SLC9B2: variants seen among roughly 807,000 people sequenced by gnomAD.
SLC9B2 encodes the protein solute carrier family 9 member B2.
SLC9B2 carries 39 observed loss-of-function variants against 52.2 expected under a neutral mutation model. The observed-to-expected ratio is 0.75, with a 90% confidence interval of 0.58 to 0.98. The LOEUF is 0.98. Among genes scored for constraint, SLC9B2 ranks in the 50% least tolerant of loss-of-function variants. The pLI is 0.00. For missense variants in SLC9B2, 626 were observed against 637.5 expected (o/e 0.98, Z 0.19); for synonymous variants, 214 against 227.0 (o/e 0.94, Z 0.51).
intron 4 of SLC9B2, among the ~76,000 whole-genome samples, chr4:103,052,819 T>A (rs1456485930): frequency 1.3e-5 from 2 of 151,800 alleles, no homozygotes; most frequent in Admixed American, 6.6e-5. Flanking sequence ...GGTGGTGGGA[T>A]TACAGGTATG....
chr4:103,031,811 A>G lies in SLC9B2; in HGVS notation c.1147-3T>C, dbSNP rs1235247719. 6.2e-7 allele frequency: 1 copy of G among 1,610,894 alleles called. No individual in the cohort carries two copies. The highest frequency in any genetic ancestry group is 8.5e-7 in the Non-Finnish European group (1 of 1,177,926). ...GCAATTATCTTTTCAACCTCTGCCT[A>G]AAATAACAATAAAACACACACAGAT... On this transcript the variant is annotated splice_region_variant and splice_polypyrimidine_tract_variant and intron_variant, in intron 9 of 11. Coordinates refer to ENST00000394785, the MANE Select transcript of SLC9B2 (RefSeq NM_178833.7).
chr4:103,070,812 A>G (rs1746549615), intron 1 of SLC9B2, among the ~76,000 whole-genome samples: 1 of 152,186 alleles, frequency 6.6e-6, no homozygotes. Flanking sequence ...GGTGTTAAAT[A>G]TTAAAATTCA....
chr4:103,061,548 T>C (rs568045354), intron 3 of SLC9B2, among the ~76,000 whole-genome samples: 173 of 152,178 alleles, frequency 1.1e-3, no homozygotes, highest in Non-Finnish European at 1.6e-3. Flanking sequence ...ATAGGAGATA[T>C]ACCTAATGTT....
chr4:103,054,739 C>T (rs1454870457), intron 4 of SLC9B2, among the ~76,000 whole-genome samples: 2 of 152,144 alleles, frequency 1.3e-5, no homozygotes, highest in Non-Finnish European at 2.9e-5. Flanking sequence ...CAGGAAACAA[C>T]AAGTGCTGGA....
chr4:103,047,093 T>A lies in SLC9B2; in HGVS notation c.847A>T (p.Ile283Phe). ...CCCAAGCATGTGTTGAAGCCAGTGA[T>A]GGCCAGAATGTCATCGAAGCTGCCA... is the stretch of plus-strand genomic sequence containing the variant. ...AAGSFDDILA[I>F]TGFNTCLGIA... The change falls in exon 7 of 12, where the codon ATC becomes TTC. Residue 283 changes from isoleucine (I) to phenylalanine (F), a missense_variant. Physicochemically the swap from Ile to Phe is conservative, Grantham distance 21 (BLOSUM62 0). Coordinates refer to ENST00000394785, the MANE Select transcript of SLC9B2 (RefSeq NM_178833.7). 1 of 1,614,094 alleles carries A rather than the reference T, an allele frequency of 6.2e-7. No homozygotes were observed. The highest frequency in any genetic ancestry group is 8.5e-7 in the Non-Finnish European group (1 of 1,179,964).
At chr4:103,050,204 A>T (rs1446655840) in intron 5 of SLC9B2, 36 bp downstream of exon 5, 1 of 1,517,954 alleles carries the variant, frequency 6.6e-7, no homozygotes, top group East Asian at 2.4e-5. Flanking sequence ...AAGAAACAAG[A>T]TTCCTATTTA....
Position 103,031,608 on chromosome 4 carries a change from A to G in SLC9B2, c.1255+92T>C, listed in dbSNP as rs547830076. ...ACCACTGTACACATACCTGCTGGAG[A>G]TATTTCAATGAATATAAAAAGTAGA... On this transcript the variant is annotated intron_variant, in intron 10 of 11. Coordinates refer to ENST00000394785, the MANE Select transcript of SLC9B2 (RefSeq NM_178833.7). The G allele has an allele frequency of 2.1e-4, 181 of 859,318 alleles. 2 individuals carry two copies. The highest frequency in any genetic ancestry group is 4.5e-5 in the Non-Finnish European group (24 of 534,362). The allele number at this position is 859,318 out of a possible 1,614,324, so 53.2% of individuals were successfully genotyped here.
In SLC9B2 at chr4:103,050,208, C is replaced by T. The variant is rs1182144701; in HGVS notation, c.585+32G>A. On this transcript the variant is annotated intron_variant, in intron 5 of 11. Transcript: ENST00000394785. ...CTGAAGCATTGAAGAAACAAGATTC[C>T]TATTTAATAATGAGAAATTTACATT... 12 of 1,523,804 alleles carry T rather than the reference C, an allele frequency of 7.9e-6. No individual in the cohort carries two copies. In the South Asian group the frequency reaches 1.6e-4, roughly 20 times the overall value. 94.4% of individuals were successfully genotyped at this position (1,523,804 alleles called of 1,614,324 possible). A position where few individuals can be genotyped will look rare whatever the true frequency, so the allele number is the denominator to read the frequency against.
At chr4:103,071,844 A>C (rs1325458441) in intron 1 of SLC9B2, among the ~76,000 whole-genome samples, 1 of 152,052 alleles carries the variant, frequency 6.6e-6, no homozygotes, top group African/African-American at 2.4e-5. Context: ...TAATCTACTC[A>C]ATTCCTAAAG....
chr4:103,041,745 A>G (rs1743663274), intron 9 of SLC9B2, among the ~76,000 whole-genome samples: 1 of 152,150 alleles, frequency 6.6e-6, no homozygotes, highest in African/African-American at 2.4e-5. Flanking sequence ...AAATTGTGTC[A>G]TGCACAATAA....
chr4:103,031,391 T>A lies in SLC9B2; in HGVS notation c.1255+309A>T, dbSNP rs183887769. ...GTTCAGGACAAGGCTAGATGAATAT[T>A]CTTACCCTTGGAAAAAGAATTGTTA... On this transcript the variant is annotated intron_variant, in intron 10 of 11. Transcript: ENST00000394785. Among the ~76,000 whole-genome samples the A allele has an allele frequency of 2.6e-5, 4 of 152,282 alleles. No homozygotes were observed. In the East Asian group the frequency reaches 7.7e-4, roughly 29 times the overall value.
downstream of SLC9B2, chr4:103,019,720 G>A (rs1741655041): frequency 2.0e-6 from 2 of 985,464 alleles, no homozygotes; most frequent in African/African-American, 1.7e-5. Flanking sequence ...ATAGACTTCC[G>A]CGCAGGGGCG....
At chr4:103,027,328 A>C (rs1237860090) in intron 11 of SLC9B2, among the ~76,000 whole-genome samples, 1 of 152,208 alleles carries the variant, frequency 6.6e-6, no homozygotes, top group Non-Finnish European at 1.5e-5. Context: ...AAAACTGTTA[A>C]ATTTTAAATA....
intron 3 of SLC9B2, among the ~76,000 whole-genome samples, chr4:103,058,490 C>G (rs907313369): frequency 2.6e-5 from 4 of 152,174 alleles, no homozygotes; most frequent in Admixed American, 6.5e-5. Context: ...CTCAACCTCC[C>G]AGGCTCAAGT....
At chr4:103,032,054 C>A (rs1742753946) in intron 9 of SLC9B2, among the ~76,000 whole-genome samples, 1 of 152,042 alleles carries the variant, frequency 6.6e-6, no homozygotes, top group African/African-American at 2.4e-5. Flanking sequence ...TAAAAAGATT[C>A]TTATAAAGTA....
chr4:103,056,094 G>A (rs890949970), intron 4 of SLC9B2, among the ~76,000 whole-genome samples: 1 of 150,308 alleles, frequency 6.7e-6, no homozygotes, highest in African/African-American at 2.5e-5. Context: ...GTGAGCCACC[G>A]CACCTGGCCT....
chr4:103,031,960 A>T, intron 9 of SLC9B2, 152 bp from the exon 10 acceptor site: 1 of 652,740 alleles, frequency 1.5e-6, no homozygotes, highest in Non-Finnish European at 2.6e-6. Flanking sequence ...CAGAGCAAAA[A>T]AACTGCATGA....
At chr4:103,030,234 T>C (rs1391944235) in intron 10 of SLC9B2, among the ~76,000 whole-genome samples, 2 of 152,116 alleles carry the variant, frequency 1.3e-5, no homozygotes, top group African/African-American at 2.4e-5. Context: ...ATGTCACTAG[T>C]ATAGATAAGG....
intron 11 of SLC9B2, among the ~76,000 whole-genome samples, chr4:103,028,382 C>T (rs1742408374): frequency 1.3e-5 from 2 of 152,072 alleles, no homozygotes; most frequent in Admixed American, 1.3e-4. Flanking sequence ...CATGTTATTT[C>T]TATTTTACTC....
Sources: gnomAD v4.1 joint callset for allele counts (sites outside exome capture counted in the v4.1 genomes callset) on GRCh38, gnomAD v4.1.1 for gene constraint, MANE v1.5 for transcripts, NCBI Gene and HGNC (gene_info 2026-07-23, HGNC 2026-07-21) for gene names.